Variants in SCUBE1 observed in about 807,000 individuals in gnomAD.
SCUBE1 encodes the protein signal peptide, CUB and EGF-like domain-containing protein 1.
SCUBE1 carries 59 observed loss-of-function variants against 124.4 expected under a neutral mutation model. The ratio of observed to expected loss-of-function variants is 0.47; its 90% CI spans 0.38 to 0.59. SCUBE1 has a LOEUF of 0.59. Among genes scored for constraint, SCUBE1 ranks in the 20% least tolerant of loss-of-function variants. SCUBE1 has a pLI of 0.00. For missense variants in SCUBE1, 1,150 were observed against 1,371.2 expected, an observed-to-expected ratio of 0.84 and a Z score of 2.55; for synonymous variants, 545 against 550.9, an observed-to-expected ratio of 0.99 and a Z score of 0.15.
intron 3 of SCUBE1, among the ~76,000 whole-genome samples, chr22:43,311,777 C>T (rs1926178876): frequency 6.6e-6 from 1 of 152,026 alleles, no homozygotes; most frequent in African/African-American, 2.4e-5. Context: ...TTTCTGGCTT[C>T]CTCATGGACC....
Position 43,255,526 on chromosome 22 carries a change from G to C in SCUBE1, c.727+2693C>G. On this transcript the variant is annotated intron_variant, in intron 6 of 21. Coordinates refer to ENST00000360835, the MANE Select transcript of SCUBE1 (RefSeq NM_173050.5). This position sits in a 1 kb window ranked among gnomAD's most constrained non-coding sequence, Gnocchi z 4.7. ...CCGTTTCACCCGCTTGTCCACATCA[G>C]CTACTGACGTGGCATTGAACTGAGA... 6.4e-7 allele frequency: 1 copy of C among 1,550,648 alleles called. No individual in the cohort carries two copies. Among genetic ancestry groups the C allele is most frequent in the Non-Finnish European group, 8.7e-7 (1 of 1,147,014 alleles).
At chr22:43,323,975 CAAAG>C (rs748697362) in intron 2 of SCUBE1, among the ~76,000 whole-genome samples, 137 of 152,218 alleles carry the variant, frequency 9.0e-4, no homozygotes, top group Non-Finnish European at 1.7e-3. Context: ...AATGCCAAGA[CAAAG>C]AAAGAAACAC....
chr22:43,312,738 G>A (rs964035886), intron 3 of SCUBE1, among the ~76,000 whole-genome samples: 5 of 152,180 alleles, frequency 3.3e-5, no homozygotes, highest in South Asian at 2.1e-4. Flanking sequence ...AGGGGTGCCC[G>A]CTGGCCCTTC....
intron 4 of SCUBE1, among the ~76,000 whole-genome samples, chr22:43,285,466 C>T (rs973417328): frequency 5.3e-5 from 8 of 152,214 alleles, no homozygotes; most frequent in African/African-American, 1.9e-4. Flanking sequence ...AGCTCCCAAG[C>T]TGCAGGGACA....
chr22:43,284,405 T>C (rs1178415799), intron 4 of SCUBE1, among the ~76,000 whole-genome samples: 1 of 152,264 alleles, frequency 6.6e-6, no homozygotes, highest in Non-Finnish European at 1.5e-5. Context: ...ACTCGGTACC[T>C]GGAGCTGCAG....
chr22:43,303,856 T>A (rs748113647), intron 3 of SCUBE1, among the ~76,000 whole-genome samples: 1 of 152,252 alleles, frequency 6.6e-6, no homozygotes, highest in Non-Finnish European at 1.5e-5. Flanking sequence ...TCTTTTTGCA[T>A]GAGCTGATTT....
chr22:43,228,509 C>T (rs1922416764), intron 9 of SCUBE1, among the ~76,000 whole-genome samples: 1 of 152,194 alleles, frequency 6.6e-6, no homozygotes, highest in Admixed American at 6.5e-5. Flanking sequence ...CCCTCAACTC[C>T]CCTGCGGGCT....
intron 2 of SCUBE1, among the ~76,000 whole-genome samples, chr22:43,337,712 G>C (rs1333283998): frequency 2.6e-5 from 4 of 152,226 alleles, no homozygotes; most frequent in Admixed American, 2.6e-4. Context: ...TTAAATAAAT[G>C]CTCAACAAAT....
chr22:43,205,418 C>A (rs900553871), intron 21 of SCUBE1, among the ~76,000 whole-genome samples: 1 of 152,042 alleles, frequency 6.6e-6, no homozygotes, highest in African/African-American at 2.4e-5. Flanking sequence ...TGGTTCCTGA[C>A]AGAGTCCCCA....
chr22:43,271,910 C>T (rs1039379606), intron 4 of SCUBE1, among the ~76,000 whole-genome samples: 1 of 152,212 alleles, frequency 6.6e-6, no homozygotes, highest in African/African-American at 2.4e-5. Context: ...AACCAGCACT[C>T]ACCGGACAGG....
intron 21 of SCUBE1, among the ~76,000 whole-genome samples, chr22:43,205,113 G>T (rs937883910): frequency 6.6e-6 from 1 of 152,128 alleles, no homozygotes; most frequent in South Asian, 2.1e-4. Flanking sequence ...CGGGAACATC[G>T]CTTTGCTGCT....
chr22:43,318,447 G>A (rs1341948629), intron 3 of SCUBE1: 4 of 152,254 alleles, frequency 2.6e-5, no homozygotes, highest in Admixed American at 6.5e-5. Flanking sequence ...GAGTTCCAGA[G>A]GTTAAGGCTG....
chr22:43,250,088 C>T lies in SCUBE1; in HGVS notation c.727+8131G>A, dbSNP rs576756524. Among the ~76,000 whole-genome samples the T allele has an allele frequency of 3.9e-5, 6 of 152,360 alleles. No individual in the cohort carries two copies. In the South Asian group the frequency reaches 8.3e-4, roughly 21 times the overall value. On this transcript the variant is annotated intron_variant, in intron 6 of 21. Coordinates refer to ENST00000360835, the MANE Select transcript of SCUBE1 (RefSeq NM_173050.5). ...AATCGATAGGAAGTACACGCTATCA[C>T]GATCACCATTTTACAGCTGAGGAAA...
intron 1 of SCUBE1, 141 bp from the exon 2 acceptor site, chr22:43,339,376 A>AG: frequency 5.2e-6 from 4 of 776,504 alleles, no homozygotes; most frequent in Non-Finnish European, 8.1e-6. Flanking sequence ...GTCACAGGAC[A>AG]ATCTGGTGTG....
rs1159486539 is a variant in SCUBE1 at position 43,210,815 on chromosome 22, C to A, written c.2383+107G>T. ...GCAGACGGGACGGAGCGGGAGGAGTCCAGTGTCCTCGTGGAGCTCGTGTGA... is the reference window on the plus strand; with the variant it reads ...GCAGACGGGACGGAGCGGGAGGAGTACAGTGTCCTCGTGGAGCTCGTGTGA... On this transcript the variant is annotated intron_variant, in intron 18 of 21. Transcript: ENST00000360835. This position sits in a 1 kb window ranked among gnomAD's most constrained non-coding sequence, Gnocchi z 4.5. 26 of 1,336,696 alleles carry A rather than the reference C, an allele frequency of 1.9e-5. No individual in the cohort carries two copies. In the East Asian group the frequency reaches 5.6e-4, roughly 29 times the overall value. 82.8% of individuals were successfully genotyped at this position (1,336,696 alleles called of 1,614,324 possible).
At chr22:43,265,728 C>A (rs1489911858) in intron 4 of SCUBE1, among the ~76,000 whole-genome samples, 3 of 152,228 alleles carry the variant, frequency 2.0e-5, no homozygotes, top group South Asian at 2.1e-4. Context: ...TTATGTGTTA[C>A]AGCTATCGAG....
chr22:43,302,708 G>A (rs1237237571), intron 3 of SCUBE1, among the ~76,000 whole-genome samples: 1 of 152,222 alleles, frequency 6.6e-6, no homozygotes, highest in Non-Finnish European at 1.5e-5. Flanking sequence ...TGTGATCCTG[G>A]CTGGACATCT....
chr22:43,209,631 G>A lies in SCUBE1; in HGVS notation c.2581+412C>T, dbSNP rs544541900. Among the ~76,000 whole-genome samples, 121 of 152,344 alleles carry A rather than the reference G, an allele frequency of 7.9e-4. 2 individuals are homozygous for A. Among genetic ancestry groups the A allele is most frequent in the Non-Finnish European group, 1.4e-3 (98 of 68,026 alleles). ...TGTGTGGTGCATGGGACGGCCGTGT[G>A]GTCCCCCAAACCTCAGCGGGCGGGA... is the stretch of plus-strand genomic sequence containing the variant. On this transcript the variant is annotated intron_variant, in intron 19 of 21. Transcript: ENST00000360835.
At chr22:43,291,499 T>A (rs1925356898) in intron 3 of SCUBE1, among the ~76,000 whole-genome samples, 1 of 84,260 alleles carries the variant, frequency 1.2e-5, no homozygotes, top group Non-Finnish European at 3.1e-5. Context: ...ACAGTGGGTC[T>A]CCATTTTGCT....
Sources: gnomAD v4.1 joint callset for allele counts (sites outside exome capture counted in the v4.1 genomes callset) on GRCh38, gnomAD v4.1.1 for gene constraint, Gnocchi (gnomAD v3.1) non-coding constraint, MANE v1.5 for transcripts, NCBI Gene and HGNC (gene_info 2026-07-23, HGNC 2026-07-21) for gene names.